Variants in RNF19A observed in about 807,000 individuals in gnomAD.
The protein encoded by RNF19A is E3 ubiquitin-protein ligase RNF19A.
Under a neutral mutation model 75.7 loss-of-function variants are expected in RNF19A, and 32 were observed. The ratio of observed to expected loss-of-function variants is 0.42; its 90% confidence interval spans 0.32 to 0.57. RNF19A has a LOEUF of 0.57. RNF19A is among the 20% of genes least tolerant of loss of function. The pLI, the probability that RNF19A is intolerant of heterozygous loss-of-function variation, is 0.10. For missense variants in RNF19A, 782 were observed against 1,036.3 expected (o/e 0.75, Z 3.37); for synonymous variants, 335 against 345.2 (o/e 0.97, Z 0.33).
Position 100,259,003 on chromosome 8 carries a change from T to G in RNF19A, c.2070A>C (p.Arg690Ser). 2 of 1,614,218 alleles carry G rather than the reference T, an allele frequency of 1.2e-6. No homozygotes were observed. The highest frequency in any genetic ancestry group is 1.7e-6 in the Non-Finnish European group (2 of 1,180,030). ...KKGNMKINET[R>S]EDMDAQLLEQ... is the part of the protein sequence containing the mutation. ...CTAACAACTGTGCATCCATGTCCTC[T>G]CTCGTCTCATTTATCTTCATGTTAC... Residue 690 changes from arginine (R) to serine (S), a missense_variant, in exon 10 of 10, where the codon AGA becomes AGC. This residue lies in a region of RNF19A where 442 missense variants were observed against 541.6 expected (regional missense o/e 0.82). Coordinates refer to ENST00000341084, the MANE Select transcript of RNF19A (RefSeq NM_183419.4). This position sits in a 1 kb window ranked among gnomAD's most constrained non-coding sequence, Gnocchi z 4.5.
chr8:100,287,916 C>T lies in RNF19A; in HGVS notation c.259G>A (p.Gly87Arg), dbSNP rs779636826. Residue 87 changes from glycine (G) to arginine (R), a missense_variant, in exon 2 of 10, where the codon GGG becomes AGG. Transcript: ENST00000341084. This position sits in a 1 kb window ranked among gnomAD's most constrained non-coding sequence, Gnocchi z 4.1. ...TCAATACTTGCAATTCCATCCACCC[C>T]GCCATTTAGCTCCCTTGATTTACGT... is the stretch of plus-strand genomic sequence containing the variant. ...NKRKSRELNG[G>R]VDGIASIESI... The T allele has an allele frequency of 1.3e-5, 21 of 1,614,044 alleles. No homozygotes were observed. The East Asian group carries it at 2.5e-4, about 19-fold the overall frequency.
chr8:100,284,124 A>G lies in RNF19A; in HGVS notation c.674+3377T>C, dbSNP rs1563849477. ...ACTTTGGAAATACAGATGAAGAATAATAAGTAAGAGCAATGACAAGCTTAC... is the reference window on the plus strand; with the variant it reads ...ACTTTGGAAATACAGATGAAGAATAGTAAGTAAGAGCAATGACAAGCTTAC... On this transcript the variant is annotated intron_variant, in intron 2 of 9. Transcript: ENST00000341084. This position sits in a 1 kb window ranked among gnomAD's most constrained non-coding sequence, Gnocchi z 4.3. 6.6e-6 allele frequency among the ~76,000 whole-genome samples: 1 copy of G among 152,206 alleles called. No homozygotes were observed. Among genetic ancestry groups the G allele is most frequent in the East Asian group, 1.9e-4 (1 of 5,206 alleles).
At chr8:100,289,164 T>C (rs573602904) in intron 1 of RNF19A, among the ~76,000 whole-genome samples, 1 of 148,930 alleles carries the variant, frequency 6.7e-6, no homozygotes, top group East Asian at 2.0e-4. Context: ...AAAAGAAAAA[T>C]ACTATGTCTA....
chr8:100,325,524 C>G lies in RNF19A; in HGVS notation c.-243+10584G>C, dbSNP rs1299822243. Among the ~76,000 whole-genome samples the G allele has an allele frequency of 6.6e-6, 1 of 152,110 alleles. No individual in the cohort carries two copies. The highest frequency in any genetic ancestry group is 1.5e-5 in the Non-Finnish European group (1 of 68,026). ...GTGACCTCTGAACAAGACGTTTCAA[C>G]TTTATATGTACCCAGGAATTTGGAT... On this transcript the variant is annotated intron_variant, in intron 1 of 3. Coordinates refer to the RNF19A transcript ENST00000519527. This position sits in a 1 kb window ranked among gnomAD's most constrained non-coding sequence, Gnocchi z 4.3.
upstream of RNF19A, chr8:100,310,324 C>G: frequency 4.7e-6 from 4 of 842,566 alleles, no homozygotes; most frequent in Non-Finnish European, 5.7e-6. Flanking sequence ...CGACTGCGGC[C>G]CCCACGCCTG....
intron 1 of RNF19A, among the ~76,000 whole-genome samples, chr8:100,301,032 T>C (rs1459133383): frequency 6.6e-6 from 1 of 152,230 alleles, no homozygotes; most frequent in African/African-American, 2.4e-5. Context: ...AACCTATTTT[T>C]GTAAGTGAGA....
At chr8:100,313,255 A>G (rs1822327327), upstream of RNF19A, 1 of 907,246 alleles carries the variant, frequency 1.1e-6, no homozygotes, top group Non-Finnish European at 1.3e-6. Context: ...GATGAGGAAT[A>G]AAGAAGGAAA....
At chr8:100,306,645 A>C (rs1337356889) in intron 1 of RNF19A, among the ~76,000 whole-genome samples, 1 of 151,812 alleles carries the variant, frequency 6.6e-6, no homozygotes, top group East Asian at 1.9e-4. Flanking sequence ...AATGAAGTAC[A>C]CAAGTTTTAA....
intron 1 of RNF19A, among the ~76,000 whole-genome samples, chr8:100,316,865 T>C (rs1281253651): frequency 6.6e-6 from 1 of 152,120 alleles, no homozygotes; most frequent in Non-Finnish European, 1.5e-5. Context: ...CAGCAACTCA[T>C]GGAGTGGGTG....
rs1822478278 is a variant in RNF19A at position 100,322,571 on chromosome 8, A to G, written c.-242-9199T>C. Among the ~76,000 whole-genome samples, 3 of 152,260 alleles carry G rather than the reference A, an allele frequency of 2.0e-5. No homozygotes were observed. In the South Asian group the frequency reaches 6.2e-4, roughly 31 times the overall value. On this transcript the variant is annotated intron_variant, in intron 1 of 3. Transcript: ENST00000519527. This position sits in a 1 kb window ranked among gnomAD's most constrained non-coding sequence, Gnocchi z 5.1. The stretch of plus-strand genomic sequence containing the variant: ...GGAGTAGCAATTTTAACATCCTTCA[A>G]GAACTTTTCCTTTGCATTTACAACT...
intron 1 of RNF19A, among the ~76,000 whole-genome samples, chr8:100,296,721 T>C (rs1225808435): frequency 6.6e-6 from 1 of 152,230 alleles, no homozygotes; most frequent in African/African-American, 2.4e-5. Flanking sequence ...GTTAACAGTT[T>C]CTGTAAATCA....
chr8:100,331,474 A>G lies in RNF19A; in HGVS notation c.-243+4634T>C, dbSNP rs941403602. On this transcript the variant is annotated intron_variant, in intron 1 of 3. Transcript: ENST00000519527. This position sits in a 1 kb window ranked among gnomAD's most constrained non-coding sequence, Gnocchi z 5.2. ...AACATGGTGAAACTCCATCTCTACAAAATATTTTAAAAAGTAGCTGGGCAT... is the reference window on the plus strand; with the variant it reads ...AACATGGTGAAACTCCATCTCTACAGAATATTTTAAAAAGTAGCTGGGCAT... Among the ~76,000 whole-genome samples, 16 of 151,838 alleles carry G rather than the reference A, an allele frequency of 1.1e-4. No individual in the cohort carries two copies. The highest frequency in any genetic ancestry group is 2.4e-4 in the Non-Finnish European group (16 of 67,952).
chr8:100,308,156 G>GA (rs1387330711), intron 1 of RNF19A, among the ~76,000 whole-genome samples: 3 of 152,066 alleles, frequency 2.0e-5, no homozygotes, highest in African/African-American at 7.2e-5. Context: ...CTAAGATAGT[G>GA]AAAAAAATAC....
intron 5 of RNF19A, among the ~76,000 whole-genome samples, chr8:100,267,025 C>T (rs1045595146): frequency 6.6e-6 from 1 of 152,042 alleles, no homozygotes; most frequent in Non-Finnish European, 1.5e-5. Context: ...AAGTTAGAAA[C>T]AGAAATAAAG....
At position 100,260,006 on chromosome 8, in the gene RNF19A, G is replaced by A; in HGVS notation, c.1683-9C>T. The A allele has an allele frequency of 6.2e-7, 1 of 1,612,082 alleles. No homozygotes were observed. The highest frequency in any genetic ancestry group is 1.1e-5 in the South Asian group (1 of 90,856). On this transcript the variant is annotated splice_polypyrimidine_tract_variant and intron_variant, in intron 8 of 9. Coordinates refer to ENST00000341084, the MANE Select transcript of RNF19A (RefSeq NM_183419.4). The surrounding 1 kb of genome is among the most constrained non-coding windows in gnomAD (Gnocchi z 4.1). ...CTGCTTGTACTTCCAACCTTAAAGG[G>A]GGGTATGAAATCACCAAAATTATAT...
intron 1 of RNF19A, among the ~76,000 whole-genome samples, chr8:100,327,821 CA>C (rs1487801702): frequency 6.6e-6 from 1 of 152,220 alleles, no homozygotes; most frequent in Non-Finnish European, 1.5e-5. Context: ...TCTGCTTCAC[CA>C]TTGTTCTTCA....
At chr8:100,296,033 C>A (rs1725910745) in intron 1 of RNF19A, among the ~76,000 whole-genome samples, 1 of 152,174 alleles carries the variant, frequency 6.6e-6, no homozygotes, top group Non-Finnish European at 1.5e-5. Context: ...TAAATTGATT[C>A]CCCAACATAA....
chr8:100,275,031 G>T lies in RNF19A; in HGVS notation c.805C>A (p.Gln269Lys), dbSNP rs762480754. The change falls in exon 3 of 10, where the codon CAA (glutamine) becomes AAA (lysine). Residue 269 changes from glutamine to lysine, a missense_variant. Gln to Lys is a moderately conservative substitution (Grantham distance 53). Coordinates refer to ENST00000341084, the MANE Select transcript of RNF19A (RefSeq NM_183419.4). The surrounding 1 kb of genome is among the most constrained non-coding windows in gnomAD (Gnocchi z 4.3). ...HPNQTCDAAR[Q>K]ERAQSLRLRT... ...AAACGTAAGCTCTGGGCTCTCTCTT[G>T]TCGAGCAGCATCACAGGTCTGGTTG... The T allele has an allele frequency of 6.2e-7, 1 of 1,614,138 alleles. No individual in the cohort carries two copies. Among genetic ancestry groups the T allele is most frequent in the Non-Finnish European group, 8.5e-7 (1 of 1,180,030 alleles).
chr8:100,314,769 A>C (rs1216376901), upstream of RNF19A, among the ~76,000 whole-genome samples: 1 of 152,086 alleles, frequency 6.6e-6, no homozygotes, highest in Non-Finnish European at 1.5e-5. The surrounding 1 kb of genome is among the most constrained non-coding windows in gnomAD (Gnocchi z 4.1). Context: ...GCTCCACAAC[A>C]ACCATGCTTA....
Sources: allele counts gnomAD v4.1 joint callset (sites outside exome capture counted in the v4.1 genomes callset), GRCh38; gene constraint gnomAD v4.1.1; regional missense constraint gnomAD v4.1.1; non-coding constraint Gnocchi (gnomAD v3.1); transcripts MANE v1.5; gene names NCBI Gene and HGNC (gene_info 2026-07-23, HGNC 2026-07-21).